The following SNAPC5 variants were observed in gnomAD, a reference collection of about 807,000 sequenced individuals.
SNAPC5 encodes the protein snRNA-activating protein complex subunit 5.
Under a neutral mutation model 9.1 loss-of-function variants are expected in SNAPC5, and 12 were observed. That is an observed-to-expected ratio of 1.32 (90% confidence interval 0.85 to 2.15). The LOEUF is 2.15. Among genes scored for constraint, SNAPC5 ranks in the 30% most tolerant of loss-of-function variants. The pLI is 0.00. For missense variants in SNAPC5, 132 were observed against 114.4 expected, an observed-to-expected ratio of 1.15 and a Z score of -0.70; for synonymous variants, 52 against 47.3, an observed-to-expected ratio of 1.10 and a Z score of -0.41.
downstream of SNAPC5, among the ~76,000 whole-genome samples, chr15:66,493,299 G>GAACCTCAACTTCAGATACTAAGTA (rs1482259992): frequency 1.3e-5 from 2 of 152,126 alleles, no homozygotes; most frequent in African/African-American, 4.8e-5. Context: ...ATGCAGAAAT[G>GAACCTCAACTTCAGATACTAAGTA]AACCTCAACT....
At chr15:66,492,298 C>A, downstream of SNAPC5, 1 of 251,220 alleles carries the variant, frequency 4.0e-6, no homozygotes. Context: ...AGGCCCATTC[C>A]TTTTTAGATT....
intron 1 of SNAPC5, among the ~76,000 whole-genome samples, chr15:66,496,166 T>G (rs1277266290): frequency 3.3e-5 from 5 of 152,020 alleles, no homozygotes; most frequent in Non-Finnish European, 1.5e-5. Context: ...TCATATGGAC[T>G]TAAAGTTTCT....
chr15:66,489,911 T>C, downstream of SNAPC5: 1 of 754,792 alleles, frequency 1.3e-6, no homozygotes, highest in Non-Finnish European at 2.4e-6. Context: ...CAAACACCAG[T>C]CTCCTTTGCT....
chr15:66,489,953 C>A (rs1457318628), downstream of SNAPC5: 8 of 662,526 alleles, frequency 1.2e-5, no homozygotes, highest in African/African-American at 1.3e-4. Flanking sequence ...GCTGGGGTGA[C>A]CCCCGCAGCC....
chr15:66,490,145 T>TA (rs1434960760), downstream of SNAPC5: 1 of 509,626 alleles, frequency 2.0e-6, no homozygotes, highest in Non-Finnish European at 3.6e-6. Context: ...AGCTAAGTAA[T>TA]ACTGTAAATA....
At position 66,494,492 on chromosome 15, in the gene SNAPC5, T is replaced by G; in HGVS notation, c.241A>C (p.Lys81Gln). 1 of 1,614,096 alleles carries G rather than the reference T, an allele frequency of 6.2e-7. No homozygotes were observed. The highest frequency in any genetic ancestry group is 8.5e-7 in the Non-Finnish European group (1 of 1,180,012). ...TCCTCCTCTTCCGTCACATGACTCTTTGTGCTCAGCTCCAGGGTTGTTTGG... is the reference window on the plus strand; with the variant it reads ...TCCTCCTCTTCCGTCACATGACTCTGTGTGCTCAGCTCCAGGGTTGTTTGG... ...INQTTLELST[K>Q]SHVTEEEEEE... The change falls in exon 3 of 3, where the codon AAG (lysine) becomes CAG (glutamine). Residue 81 changes from lysine to glutamine, a missense_variant. Transcript: ENST00000316634.
chr15:66,496,968 G>T (rs1319919603), intron 1 of SNAPC5: 1 of 154,878 alleles, frequency 6.5e-6, no homozygotes, highest in Non-Finnish European at 1.5e-5. Flanking sequence ...TCCAGCCTGG[G>T]CGATACAGTG....
chr15:66,490,147 CTG>C (rs1893199425), downstream of SNAPC5: 1 of 509,212 alleles, frequency 2.0e-6, no homozygotes, highest in African/African-American at 1.9e-5. Flanking sequence ...CTAAGTAATA[CTG>C]TAAATATCTG....
At chr15:66,496,322 C>T (rs11636407) in intron 1 of SNAPC5, among the ~76,000 whole-genome samples, 27,267 of 151,718 alleles carry the variant, frequency 0.18, 3,118 homozygotes, top group Middle Eastern at 0.29. Context: ...AAAATTAGCC[C>T]GGCGTGGTGG....
At chr15:66,490,175 T>C (rs1052236238), downstream of SNAPC5, 5 of 518,558 alleles carry the variant, frequency 9.6e-6, no homozygotes, top group Admixed American at 1.3e-4. Flanking sequence ...CCATAGACGG[T>C]GTATATAGTA....
At chr15:66,495,495 CTA>C (rs2140700749) in intron 1 of SNAPC5, 76 bp from the exon 2 acceptor site, 2 of 813,488 alleles carry the variant, frequency 2.5e-6, no homozygotes, top group East Asian at 2.4e-5. Flanking sequence ...GCTGGGCACA[CTA>C]TGAAACATTT....
At chr15:66,490,542 A>C (rs759243614), downstream of SNAPC5, 2 of 1,614,036 alleles carry the variant, frequency 1.2e-6, no homozygotes, top group Non-Finnish European at 1.7e-6. Flanking sequence ...GAGGAAGTGG[A>C]TTTTGCAGGT....
rs1330328386 is a variant in SNAPC5 at position 66,497,566 on chromosome 15, C to A, written c.90+76G>T. On this transcript the variant is annotated intron_variant, in intron 1 of 2. Coordinates refer to ENST00000316634, the MANE Select transcript of SNAPC5 (RefSeq NM_001329615.2). The stretch of plus-strand genomic sequence containing the variant: ...GAGAACTGGCCGCAGCAGGTGGTCA[C>A]CACAGAGGCCCAGGTTGGGGGGAAA... 6 of 1,349,894 alleles carry A rather than the reference C, an allele frequency of 4.4e-6. No homozygotes were observed. In the Admixed American group the frequency reaches 8.4e-5, roughly 19 times the overall value. The allele number at this position is 1,349,894 out of a possible 1,614,324, so 83.6% of individuals were successfully genotyped here.
At chr15:66,492,180 C>A (rs1365649719), downstream of SNAPC5, 3 of 399,292 alleles carry the variant, frequency 7.5e-6, no homozygotes, top group Non-Finnish European at 1.5e-5. Flanking sequence ...CCATTGGGAA[C>A]TTCTTTTAGG....
chr15:66,497,586 G>A (rs1350752933), intron 1 of SNAPC5, 56 bp downstream of exon 1: 1 of 1,510,972 alleles, frequency 6.6e-7, no homozygotes, highest in African/African-American at 1.4e-5. Flanking sequence ...CCAGGTTGGG[G>A]GGAAATGGTC....
At chr15:66,490,639 G>A (rs1023819747), downstream of SNAPC5, 14 of 1,578,320 alleles carry the variant, frequency 8.9e-6, no homozygotes, top group African/African-American at 6.7e-5. Context: ...AACAAAGAGC[G>A]AGTCCCCTGC....
intron 2 of SNAPC5, chr15:66,494,997 G>C (rs1299733756): frequency 5.4e-6 from 2 of 372,160 alleles, no homozygotes; most frequent in Non-Finnish European, 1.0e-5. Context: ...TGAATCTCAA[G>C]GTTACTTATT....
chr15:66,494,528 C>T lies in SNAPC5; in HGVS notation c.205G>A (p.Ala69Thr), dbSNP rs571352833. ...TCCAGGGTTGTTTGGTTGATTGATG[C>T]TTCATTGTCTACATGCACCAACATC... ...HDMLVHVDNE[A>T]SINQTTLELS... The change falls in exon 3 of 3, where the codon GCA (alanine) becomes ACA (threonine). Residue 69 changes from alanine (A) to threonine (T), a missense_variant. Ala to Thr is a moderately conservative substitution (Grantham distance 58, BLOSUM62 0). Coordinates refer to ENST00000316634, the MANE Select transcript of SNAPC5 (RefSeq NM_001329615.2). The T allele has an allele frequency of 6.2e-7, 1 of 1,613,840 alleles. No individual in the cohort carries two copies. Among genetic ancestry groups the T allele is most frequent in the East Asian group, 2.2e-5 (1 of 44,882 alleles).
At chr15:66,495,497 A>T in intron 1 of SNAPC5, 78 bp from the exon 2 acceptor site, 1 of 809,792 alleles carries the variant, frequency 1.2e-6, no homozygotes, top group African/African-American at 1.7e-5. Flanking sequence ...TGGGCACACT[A>T]TGAAACATTT....
Sources: allele counts gnomAD v4.1 joint callset (sites outside exome capture counted in the v4.1 genomes callset), GRCh38; gene constraint gnomAD v4.1.1; transcripts MANE v1.5; gene names NCBI Gene and HGNC (gene_info 2026-07-23, HGNC 2026-07-21).